Variants in NT5DC1 observed in about 807,000 individuals in gnomAD.
NT5DC1 encodes 5'-nucleotidase domain-containing protein 1.
A neutral mutation model predicts 59.4 loss-of-function variants in NT5DC1; 42 were observed. The observed-to-expected ratio is 0.71, with a 90% CI of 0.55 to 0.92. The LOEUF is 0.92. NT5DC1 is among the 40% of genes least tolerant of loss of function. The pLI is 0.00. For missense variants in NT5DC1, 501 were observed against 537.1 expected (o/e 0.93, Z 0.66); for synonymous variants, 172 against 188.1 (o/e 0.91, Z 0.70).
intron 6 of NT5DC1, among the ~76,000 whole-genome samples, chr6:116,131,073 C>A (rs1779446758): frequency 6.6e-6 from 1 of 152,008 alleles, no homozygotes; most frequent in Admixed American, 6.6e-5. Flanking sequence ...TTGTTTTATA[C>A]TTTCATAAAG....
intron 9 of NT5DC1, chr6:116,237,771 TG>T (rs1313911035): frequency 1.1e-5 from 3 of 263,730 alleles, no homozygotes; most frequent in Non-Finnish European, 2.3e-5. Context: ...CCCAGAAACT[TG>T]AAAAGTGGTT....
chr6:116,120,615 AG>A, intron 6 of NT5DC1: 1 of 1,566,434 alleles, frequency 6.4e-7, no homozygotes, highest in African/African-American at 1.4e-5. Flanking sequence ...GGCTCTCCAG[AG>A]TGGCCTCTTG....
At chr6:116,196,376 T>C (rs991140633) in intron 6 of NT5DC1, among the ~76,000 whole-genome samples, 5 of 152,022 alleles carry the variant, frequency 3.3e-5, no homozygotes, top group African/African-American at 1.2e-4. Context: ...GGGAAAGAGT[T>C]CAGTTAATCA....
chr6:116,161,776 A>G (rs1049235314), intron 6 of NT5DC1, among the ~76,000 whole-genome samples: 1 of 151,768 alleles, frequency 6.6e-6, no homozygotes, highest in Admixed American at 6.5e-5. Context: ...TAACATTGGT[A>G]ATTTGATGGG....
chr6:116,177,202 C>G (rs1299685744), intron 6 of NT5DC1, among the ~76,000 whole-genome samples: 3 of 152,166 alleles, frequency 2.0e-5, no homozygotes, highest in African/African-American at 7.2e-5. Flanking sequence ...ATTCTCAATA[C>G]AAATAATTAA....
chr6:116,192,113 G>A (rs1201660386), intron 6 of NT5DC1, among the ~76,000 whole-genome samples: 1 of 151,994 alleles, frequency 6.6e-6, no homozygotes, highest in South Asian at 2.1e-4. Context: ...ACTTAATTAG[G>A]TGGTTAGAGA....
At chr6:116,154,725 CTCAT>C (rs1336521777) in intron 6 of NT5DC1, among the ~76,000 whole-genome samples, 4 of 152,114 alleles carry the variant, frequency 2.6e-5, no homozygotes, top group African/African-American at 7.2e-5. Context: ...TAAATAATTT[CTCAT>C]TCATTCTATT....
intron 6 of NT5DC1, among the ~76,000 whole-genome samples, chr6:116,155,182 C>G (rs502104): frequency 0.022 from 3,383 of 152,204 alleles, 130 homozygotes; most frequent in African/African-American, 0.078. Context: ...GTTAAGGTTA[C>G]AAGTAGTTTG....
chr6:116,102,706 C>A (rs1167490910), intron 1 of NT5DC1, among the ~76,000 whole-genome samples: 1 of 152,176 alleles, frequency 6.6e-6, no homozygotes, highest in Non-Finnish European at 1.5e-5. Flanking sequence ...AGTTTTGGAT[C>A]ATGTTTGGTG....
intron 4 of NT5DC1, 86 bp downstream of exon 4, chr6:116,111,042 C>G (rs764684776): frequency 1.0e-5 from 9 of 883,588 alleles, no homozygotes; most frequent in East Asian, 5.2e-5. Context: ...AGAAGACCCC[C>G]CTTTCCCCTG....
intron 9 of NT5DC1, among the ~76,000 whole-genome samples, chr6:116,237,897 A>C (rs189477596): frequency 6.6e-6 from 1 of 152,220 alleles, no homozygotes; most frequent in Admixed American, 6.5e-5. Flanking sequence ...CTATGTAAAC[A>C]TATAGGTTCA....
chr6:116,211,244 A>T (rs1340026094), intron 6 of NT5DC1, among the ~76,000 whole-genome samples: 1 of 151,940 alleles, frequency 6.6e-6, no homozygotes, highest in Non-Finnish European at 1.5e-5. Context: ...GAGTGAAGAA[A>T]CCCTTAGATG....
chr6:116,151,782 T>A (rs1010070203), intron 6 of NT5DC1, among the ~76,000 whole-genome samples: 2 of 152,160 alleles, frequency 1.3e-5, no homozygotes, highest in Non-Finnish European at 2.9e-5. Flanking sequence ...GCAAATAAAC[T>A]TTTTTTAAAA....
chr6:116,129,137 A>G (rs1035363461), intron 6 of NT5DC1, among the ~76,000 whole-genome samples: 1 of 152,138 alleles, frequency 6.6e-6, no homozygotes. Context: ...TTTCTTTAAA[A>G]CAATGTCATC....
chr6:116,205,187 A>T (rs926003800), intron 6 of NT5DC1, among the ~76,000 whole-genome samples: 1 of 151,986 alleles, frequency 6.6e-6, no homozygotes, highest in African/African-American at 2.4e-5. Context: ...ACTAAAAACC[A>T]TGTCTTCAGG....
At chr6:116,243,809 G>A (rs570178142) in intron 11 of NT5DC1, 100 bp from the exon 12 acceptor site, 91 of 537,480 alleles carry the variant, frequency 1.7e-4, no homozygotes, top group Admixed American at 1.1e-3. Context: ...AAAATTTTAC[G>A]TCTAAAAAAT....
chr6:116,237,335 A>G (rs538266342), intron 9 of NT5DC1: 5 of 604,272 alleles, frequency 8.3e-6, no homozygotes, highest in African/African-American at 1.8e-5. Context: ...GTTTCCATAT[A>G]TAAAACAAAC....
At chr6:116,221,288 A>G (rs1279769080) in intron 7 of NT5DC1, 60 bp downstream of exon 7, 1 of 984,470 alleles carries the variant, frequency 1.0e-6, no homozygotes, top group East Asian at 2.4e-5. Context: ...AAATTAGACC[A>G]GGGCTTTTTT....
In NT5DC1 at chr6:116,121,843, T is replaced by C. The variant is rs547224731; in HGVS notation, c.529+3898T>C. 151 of 1,613,990 alleles carry C rather than the reference T, an allele frequency of 9.4e-5. No individual in the cohort carries two copies. The South Asian group carries it at 1.2e-3, about 13-fold the overall frequency. The stretch of plus-strand genomic sequence containing the variant: ...GTGGTCCTGGCAACCCTGGCTCTCC[T>C]TGGAGTCCAGGACTTCCGTAGCCTG... On this transcript the variant is annotated intron_variant, in intron 6 of 11. Transcript: ENST00000319550.
Sources: allele counts gnomAD v4.1 joint callset (sites outside exome capture counted in the v4.1 genomes callset), GRCh38; gene constraint gnomAD v4.1.1; transcripts MANE v1.5; gene names NCBI Gene and HGNC (gene_info 2026-07-23, HGNC 2026-07-21).